The following APBB2 variants were observed in gnomAD, a reference collection of about 807,000 sequenced individuals.
The protein encoded by APBB2 is amyloid beta precursor protein binding family B member 2.
Under a neutral mutation model 82.5 loss-of-function variants are expected in APBB2, and 38 were observed. That is an observed-to-expected ratio of 0.46 (90% CI 0.36 to 0.60). The LOEUF (loss-of-function observed/expected upper bound fraction) is 0.60. Ranked by LOEUF, APBB2 falls within the 20% of genes least tolerant of loss-of-function variation. The pLI is 0.00. For synonymous variants in APBB2, 341 were observed against 368.2 expected (o/e 0.93, Z 0.85); for missense variants, 772 against 972.3 (o/e 0.79, Z 2.74).
intron 5 of APBB2, among the ~76,000 whole-genome samples, chr4:41,025,404 G>A (rs923071861): frequency 3.3e-5 from 5 of 152,000 alleles, no homozygotes; most frequent in Non-Finnish European, 7.4e-5. Context: ...ATATGCTGTC[G>A]GTGGGAGTGT....
At chr4:41,164,892 T>C (rs1766096303) in intron 1 of APBB2, among the ~76,000 whole-genome samples, 1 of 152,206 alleles carries the variant, frequency 6.6e-6, no homozygotes, top group Admixed American at 6.5e-5. Flanking sequence ...AATCCAGGTG[T>C]TTAAGTACAT....
intron 4 of APBB2, among the ~76,000 whole-genome samples, chr4:41,045,589 G>A (rs565503811): frequency 1.7e-4 from 26 of 152,230 alleles, no homozygotes; most frequent in African/African-American, 6.0e-4. Flanking sequence ...ACCGTGCCTG[G>A]CAGTCTTAAT....
rs187867109 is a variant in APBB2, at chr4:40,888,824, C to T, written c.1529+1540G>A. ...TGTAGTGTCACAAGCTCCACACTTT[C>T]GCTCCTGCGTCGCACACGTATGTAA... On this transcript the variant is annotated intron_variant, in intron 12 of 17. Coordinates refer to ENST00000508593, the MANE Select transcript of APBB2 (RefSeq NM_004307.2). 1.9e-3 allele frequency among the ~76,000 whole-genome samples: 273 copies of T among 147,444 alleles called. 1 individual carries two copies. Among genetic ancestry groups the T allele is most frequent in the South Asian group, 3.6e-3 (16 of 4,482 alleles).
At chr4:41,085,791 TACAAAAACA>T (rs1739443913) in intron 3 of APBB2, among the ~76,000 whole-genome samples, 1 of 151,618 alleles carries the variant, frequency 6.6e-6, no homozygotes, top group African/African-American at 2.4e-5. Context: ...ATTGCCAAAC[TACAAAAACA>T]AAAAAAAAGA....
At chr4:41,061,147 A>G (rs1464912384) in intron 4 of APBB2, among the ~76,000 whole-genome samples, 1 of 152,218 alleles carries the variant, frequency 6.6e-6, no homozygotes, top group Non-Finnish European at 1.5e-5. Flanking sequence ...AAGCTATTGT[A>G]ACAGTCCAGA....
chr4:41,024,088 CTCTT>C (rs1167837547), intron 5 of APBB2, among the ~76,000 whole-genome samples: 4 of 152,172 alleles, frequency 2.6e-5, no homozygotes, highest in Non-Finnish European at 5.9e-5. Context: ...GGGGAAAAGA[CTCTT>C]TATTCAATAA....
At chr4:41,081,471 T>A (rs961519455) in intron 3 of APBB2, among the ~76,000 whole-genome samples, 15 of 152,268 alleles carry the variant, frequency 9.9e-5, no homozygotes, top group Admixed American at 9.2e-4. Flanking sequence ...GGGTCCACTT[T>A]GTAATGCATG....
At chr4:41,108,690 C>T (rs1241652054) in intron 2 of APBB2, among the ~76,000 whole-genome samples, 1 of 152,212 alleles carries the variant, frequency 6.6e-6, no homozygotes, top group Admixed American at 6.5e-5. Flanking sequence ...CCTCATTCCT[C>T]ACCCACCCCT....
intron 5 of APBB2, among the ~76,000 whole-genome samples, chr4:41,017,650 A>C (rs1810380014): frequency 6.6e-6 from 1 of 152,124 alleles, no homozygotes; most frequent in Admixed American, 6.6e-5. Context: ...AGTTTATAAC[A>C]ATAAATGTGA....
chr4:40,840,981 G>A (rs563550358), intron 12 of APBB2, among the ~76,000 whole-genome samples: 1 of 152,166 alleles, frequency 6.6e-6, no homozygotes, highest in South Asian at 2.1e-4. Context: ...TCATCCTCCA[G>A]AACTTTCCAC....
chr4:40,950,111 A>G (rs1416409283), intron 6 of APBB2, among the ~76,000 whole-genome samples: 2 of 152,202 alleles, frequency 1.3e-5, no homozygotes, highest in Non-Finnish European at 2.9e-5. Context: ...AGCATCTTAA[A>G]ATGCCTCAAG....
intron 12 of APBB2, among the ~76,000 whole-genome samples, chr4:40,837,627 G>A (rs1280224635): frequency 2.6e-5 from 4 of 152,146 alleles, no homozygotes; most frequent in South Asian, 4.1e-4. Flanking sequence ...AGCAAGACCC[G>A]TTTCTGCTCT....
intron 3 of APBB2, among the ~76,000 whole-genome samples, chr4:41,086,685 T>C (rs997742086): frequency 6.6e-6 from 1 of 152,188 alleles, no homozygotes; most frequent in Non-Finnish European, 1.5e-5. Context: ...AAAGGTCATA[T>C]ATGAAAAGCC....
chr4:41,189,011 T>C (rs1421642455), intron 1 of APBB2, among the ~76,000 whole-genome samples: 1 of 152,142 alleles, frequency 6.6e-6, no homozygotes, highest in Non-Finnish European at 1.5e-5. Flanking sequence ...TACACACCCC[T>C]TACAATTCAG....
rs36224955 is a variant in APBB2 at position 41,027,364 on chromosome 4, CATATATATATATATATATATATATATAT to C, written c.19+5844_19+5871del. ...TTATATTTTTATAAACATATTGTTACATATATATATATATATATATATATATATATATATATATATAACATTTTCAAGA... is the reference window on the plus strand; with the variant it reads ...TTATATTTTTATAAACATATTGTTACATATATATATATAACATTTTCAAGA... On this transcript the variant is annotated intron_variant, in intron 5 of 17. Coordinates refer to ENST00000508593, the MANE Select transcript of APBB2 (RefSeq NM_004307.2). Among the ~76,000 whole-genome samples the C allele has an allele frequency of 1.1e-4, 14 of 127,456 alleles. 1 individual carries two copies. Among genetic ancestry groups the C allele is most frequent in the South Asian group, 2.6e-4 (1 of 3,798 alleles). 83.6% of individuals were successfully genotyped at this position (127,456 alleles called of 152,430 possible). A position where few individuals can be genotyped will look rare whatever the true frequency, so the allele number is the denominator to read the frequency against.
chr4:41,132,306 C>A (rs1158524485), intron 2 of APBB2, among the ~76,000 whole-genome samples: 1 of 152,112 alleles, frequency 6.6e-6, no homozygotes, highest in African/African-American at 2.4e-5. Flanking sequence ...CTATTGCTAC[C>A]AGAAGAGTTT....
chr4:40,881,524 T>G (rs1483811137), intron 12 of APBB2: 1 of 206,064 alleles, frequency 4.9e-6, no homozygotes, highest in Admixed American at 1.2e-4. Flanking sequence ...TTATCTTTTC[T>G]TTTCTTTTTC....
At position 40,921,785 on chromosome 4, in the gene APBB2, C is replaced by T. The variant is rs565450612; in HGVS notation, c.1254+12671G>A. Among the ~76,000 whole-genome samples the T allele has an allele frequency of 2.6e-5, 4 of 152,348 alleles. No individual in the cohort carries two copies. In the South Asian group the frequency reaches 6.2e-4, roughly 24 times the overall value. On this transcript the variant is annotated intron_variant, in intron 10 of 17. Coordinates refer to ENST00000508593, the MANE Select transcript of APBB2 (RefSeq NM_004307.2). The stretch of plus-strand genomic sequence containing the variant: ...CACTTTTTGAGAAATCACATGCTTT[C>T]GGCTCTGGGTTCCATGTGTCATTTA...
intron 12 of APBB2, among the ~76,000 whole-genome samples, chr4:40,849,558 C>A (rs1455110760): frequency 6.6e-6 from 1 of 152,120 alleles, no homozygotes; most frequent in African/African-American, 2.4e-5. Flanking sequence ...AGACCCAAGA[C>A]AACACATTCC....
Sources: allele counts gnomAD v4.1 joint callset (sites outside exome capture counted in the v4.1 genomes callset), GRCh38; gene constraint gnomAD v4.1.1; transcripts MANE v1.5; gene names NCBI Gene and HGNC (gene_info 2026-07-23, HGNC 2026-07-21).